The following BICD1 variants were observed in gnomAD, a reference collection of about 807,000 sequenced individuals.
The protein encoded by BICD1 is BICD cargo adaptor 1.
In BICD1, 35 loss-of-function variants were observed where a neutral mutation model predicts 92.5. The ratio of observed to expected loss-of-function variants is 0.38; its 90% CI spans 0.29 to 0.50. BICD1 has a LOEUF of 0.50. BICD1 is among the 20% of genes least tolerant of loss of function. BICD1 has a pLI of 0.93. For synonymous variants in BICD1, 429 were observed against 465.1 expected (o/e 0.92, Z 1.00); for missense variants, 950 against 1,189.8 (o/e 0.80, Z 2.97).
chr12:32,152,710 C>G (rs1483224837), intron 1 of BICD1, among the ~76,000 whole-genome samples: 2 of 152,014 alleles, frequency 1.3e-5, no homozygotes, highest in African/African-American at 2.4e-5. Flanking sequence ...AGAATAAATT[C>G]TTTTATTTAT....
chr12:32,339,540 A>G (rs1938277225), intron 8 of BICD1: 1 of 985,456 alleles, frequency 1.0e-6, no homozygotes, highest in Non-Finnish European at 1.2e-6. Context: ...GTTAATGCTT[A>G]CCAACATGTT....
intron 3 of BICD1, among the ~76,000 whole-genome samples, chr12:32,301,910 G>A (rs1029247531): frequency 3.9e-5 from 6 of 151,990 alleles, no homozygotes; most frequent in African/African-American, 7.3e-5. Flanking sequence ...ATTTTTAGAC[G>A]GAGTCTTGCT....
intron 2 of BICD1, among the ~76,000 whole-genome samples, chr12:32,232,254 T>A (rs962294248): frequency 2.0e-5 from 3 of 148,776 alleles, no homozygotes; most frequent in African/African-American, 7.4e-5. Flanking sequence ...CACCTGTTGT[T>A]TCCTGACTTT....
chr12:32,306,446 G>C (rs886383929), intron 4 of BICD1, among the ~76,000 whole-genome samples: 1 of 151,650 alleles, frequency 6.6e-6, no homozygotes, highest in Non-Finnish European at 1.5e-5. Context: ...GGGTTTCACC[G>C]TATTAGCCAG....
intron 1 of BICD1, among the ~76,000 whole-genome samples, chr12:32,185,267 G>GC (rs1944397086): frequency 6.6e-6 from 1 of 152,128 alleles, no homozygotes; most frequent in Non-Finnish European, 1.5e-5. Flanking sequence ...CAAATCATAA[G>GC]CAATTTATAC....
chr12:32,317,133 T>A (rs893514057), intron 4 of BICD1, among the ~76,000 whole-genome samples: 6 of 152,348 alleles, frequency 3.9e-5, no homozygotes, highest in African/African-American at 1.2e-4. Context: ...TGGTTCCAAG[T>A]CTTTGCTGTT....
At position 32,164,211 on chromosome 12, in the gene BICD1, C is replaced by G. The variant is rs531150136; in HGVS notation, c.214-52036C>G. Reference sequence around the variant, plus strand: ...CTGATGTTGAGTCAAATCATTGAGACTTACAGATTTGTCTATTATAGCAGC... The same window carrying G: ...CTGATGTTGAGTCAAATCATTGAGAGTTACAGATTTGTCTATTATAGCAGC... On this transcript the variant is annotated intron_variant, in intron 1 of 9. Transcript: ENST00000652176. 2.0e-4 allele frequency among the ~76,000 whole-genome samples: 30 copies of G among 152,292 alleles called. No homozygotes were observed. In the Middle Eastern group the frequency reaches 0.01, roughly 52 times the overall value.
At chr12:32,308,343 G>A (rs1305245962) in intron 4 of BICD1, among the ~76,000 whole-genome samples, 1 of 152,166 alleles carries the variant, frequency 6.6e-6, no homozygotes, top group East Asian at 1.9e-4. Context: ...TATTTCAAAT[G>A]CTCTGAGAGT....
At chr12:32,332,317 C>T in intron 5 of BICD1, 1 of 363,334 alleles carries the variant, frequency 2.8e-6, no homozygotes, top group Non-Finnish European at 3.8e-6. Flanking sequence ...ACAACAAACC[C>T]CCATGACACA....
chr12:32,367,757 T>C lies in BICD1; in HGVS notation c.2840+12T>C. 3 of 1,611,080 alleles carry C rather than the reference T, an allele frequency of 1.9e-6. No individual in the cohort carries two copies. The highest frequency in any genetic ancestry group is 1.7e-6 in the Non-Finnish European group (2 of 1,177,334). On this transcript the variant is annotated intron_variant, in intron 9 of 9. Coordinates refer to ENST00000652176, the MANE Select transcript of BICD1 (RefSeq NM_001714.4). ...TGCCCAACTGTCAGGTAAATTCAGA[T>C]GTCCTTTCCCTTCCACCCAGCTGCA...
intron 2 of BICD1, among the ~76,000 whole-genome samples, chr12:32,235,147 C>G (rs1346665331): frequency 2.0e-5 from 3 of 152,244 alleles, no homozygotes; most frequent in Admixed American, 6.5e-5. Flanking sequence ...TATTTACAGG[C>G]AGAATTACTC....
At chr12:32,212,782 C>T (rs983546273) in intron 1 of BICD1, among the ~76,000 whole-genome samples, 2 of 152,226 alleles carry the variant, frequency 1.3e-5, no homozygotes, top group East Asian at 1.9e-4. Flanking sequence ...AGAAAGCCAC[C>T]GTACTTCTCA....
chr12:32,243,273 TTTTTTTTTTTTTGTA>T (rs1309419721), intron 2 of BICD1, among the ~76,000 whole-genome samples: 1 of 134,558 alleles, frequency 7.4e-6, no homozygotes, highest in African/African-American at 2.8e-5. Context: ...AATTTTTTTT[TTTTTTTTTTTTTGTA>T]TTTTTGGTAG....
intron 1 of BICD1, among the ~76,000 whole-genome samples, chr12:32,192,928 T>G (rs530565460): frequency 9.2e-5 from 14 of 152,340 alleles, no homozygotes; most frequent in African/African-American, 3.4e-4. Flanking sequence ...GAATGAGTAC[T>G]TGTTTCTTAT....
Position 32,107,412 on chromosome 12 carries a change from C to T in BICD1, c.81C>T (p.Thr27=). 6.2e-7 allele frequency: 1 copy of T among 1,612,166 alleles called. No individual in the cohort carries two copies. Among genetic ancestry groups the T allele is most frequent in the Non-Finnish European group, 8.5e-7 (1 of 1,179,356 alleles). Residue 27 remains threonine, a synonymous_variant, in exon 1 of 10, where the codon ACC becomes ACT. Coordinates refer to ENST00000652176, the MANE Select transcript of BICD1 (RefSeq NM_001714.4). ...GGCTAACCAAGGAGCTCACGGAGACCACCCACGAGAAGATCCAGGCTGCCG... is the reference window on the plus strand; with the variant it reads ...GGCTAACCAAGGAGCTCACGGAGACTACCCACGAGAAGATCCAGGCTGCCG... ...IERLTKELTE[T]THEKIQAAEY... is the part of the protein sequence containing the mutation.
At chr12:32,283,401 C>T (rs905803097) in intron 2 of BICD1, among the ~76,000 whole-genome samples, 2 of 152,180 alleles carry the variant, frequency 1.3e-5, no homozygotes, top group Non-Finnish European at 2.9e-5. Flanking sequence ...CACTGCCTCT[C>T]CACGAGTTAC....
rs200755138 is a variant in BICD1, at chr12:32,107,355, G to T, written c.24G>T (p.Gln8His). Residue 8 changes from glutamine (Q) to histidine (H), a missense_variant, in exon 1 of 10, where the codon CAG becomes CAT. By Grantham distance (24) the Gln-to-His change is conservative. Transcript: ENST00000652176. ...CTATGGCCGCAGAAGAGGTATTGCAGACGGTGGACCATTATAAGACTGAGA... is the reference window on the plus strand; with the variant it reads ...CTATGGCCGCAGAAGAGGTATTGCATACGGTGGACCATTATAAGACTGAGA... MAAEEVL[Q>H]TVDHYKTEIE... 6 of 1,607,788 alleles carry T rather than the reference G, an allele frequency of 3.7e-6. No homozygotes were observed. Among genetic ancestry groups the T allele is most frequent in the Non-Finnish European group, 5.1e-6 (6 of 1,177,548 alleles).
intron 1 of BICD1, among the ~76,000 whole-genome samples, chr12:32,146,679 C>T (rs1943112686): frequency 6.6e-6 from 1 of 152,164 alleles, no homozygotes. Context: ...GAAGGGCACG[C>T]AGTGACAGAG....
rs1241352513 is a variant in BICD1, at chr12:32,378,726, TGTTA to T, written c.*1103_*1106del. The T allele has an allele frequency of 1.3e-5, 2 of 152,138 alleles. No individual in the cohort carries two copies. The highest frequency in any genetic ancestry group is 4.8e-5 in the African/African-American group (2 of 41,400). The allele number at this position is 152,138 out of a possible 1,614,324, so 9.4% of individuals were successfully genotyped here. On this transcript the variant is annotated 3_prime_UTR_variant, in exon 10 of 10. Coordinates refer to ENST00000652176, the MANE Select transcript of BICD1 (RefSeq NM_001714.4). ...TGATTAAAATTGTATGTTTTGTTGTTGTTAGTTTTTTTCATAACGAATCTTCCTT... is the reference window on the plus strand; with the variant it reads ...TGATTAAAATTGTATGTTTTGTTGTTGTTTTTTTCATAACGAATCTTCCTT...
Sources: allele counts gnomAD v4.1 joint callset (sites outside exome capture counted in the v4.1 genomes callset), GRCh38; gene constraint gnomAD v4.1.1; transcripts MANE v1.5; gene names NCBI Gene and HGNC (gene_info 2026-07-23, HGNC 2026-07-21).